LNP1: variants seen among roughly 807,000 people sequenced by gnomAD.
The protein encoded by LNP1 is leukemia NUP98 fusion partner 1.
Under a neutral mutation model 14.5 loss-of-function variants are expected in LNP1, and 12 were observed. The observed-to-expected ratio is 0.83, with a 90% CI of 0.53 to 1.34. LNP1 has a LOEUF of 1.34. LNP1 is among the 40% of genes most tolerant of loss of function. The probability of loss-of-function intolerance (pLI) is 0.00; values close to 1 mark genes in which losing one functional copy is unlikely to be tolerated. For synonymous variants in LNP1, 75 were observed against 71.4 expected (o/e 1.05, Z -0.26); for missense variants, 198 against 210.9 (o/e 0.94, Z 0.38).
chr3:100,408,671 A>G (rs1706995770), intron 1 of LNP1, among the ~76,000 whole-genome samples: 1 of 152,164 alleles, frequency 6.6e-6, no homozygotes, highest in African/African-American at 2.4e-5. Flanking sequence ...ACTGGCCTGA[A>G]GTCATGGGTC....
intron 1 of LNP1, among the ~76,000 whole-genome samples, chr3:100,417,517 A>C (rs892892439): frequency 6.6e-6 from 1 of 151,308 alleles, no homozygotes. Context: ...CTGGGATTAC[A>C]GGCCCACGCC....
intron 2 of LNP1, among the ~76,000 whole-genome samples, chr3:100,448,576 G>GGGCA (rs1559846800): frequency 6.6e-6 from 1 of 152,230 alleles, no homozygotes; most frequent in East Asian, 1.9e-4. Flanking sequence ...AAACAAATAT[G>GGGCA]TATGCTGGCA....
At chr3:100,455,294 G>A (rs563409034) in intron 3 of LNP1, among the ~76,000 whole-genome samples, 10 of 152,246 alleles carry the variant, frequency 6.6e-5, no homozygotes, top group East Asian at 1.9e-4. Context: ...GACACATGTC[G>A]GGGGGTGTTA....
At chr3:100,417,657 A>G (rs183806649) in intron 1 of LNP1, among the ~76,000 whole-genome samples, 59 of 151,800 alleles carry the variant, frequency 3.9e-4, no homozygotes, top group African/African-American at 1.3e-3. Context: ...GGGATTACAG[A>G]CGTGAGACAC....
intron 2 of LNP1, among the ~76,000 whole-genome samples, chr3:100,445,770 T>G (rs1707381729): frequency 6.6e-6 from 1 of 152,136 alleles, no homozygotes; most frequent in East Asian, 1.9e-4. Flanking sequence ...ACAAAATCTA[T>G]GTGCAAAAAT....
At chr3:100,424,281 A>G (rs972067755) in intron 1 of LNP1, among the ~76,000 whole-genome samples, 5 of 152,088 alleles carry the variant, frequency 3.3e-5, no homozygotes, top group African/African-American at 1.2e-4. Flanking sequence ...GAGGTTCACG[A>G]CTTGCTAAAA....
Position 100,429,701 on chromosome 3 carries a change from A to T in LNP1, c.-29A>T, listed in dbSNP as rs1707224948. Reference sequence around the variant, plus strand: ...ATTTCCCTCTGTCGCATTTAGGGACAGGCCTTCAGTATTTGGCATCACCTT... The same window carrying T: ...ATTTCCCTCTGTCGCATTTAGGGACTGGCCTTCAGTATTTGGCATCACCTT... On this transcript the variant is annotated 5_prime_UTR_variant, in exon 2 of 4. Transcript: ENST00000383693. 1.3e-5 allele frequency: 21 copies of T among 1,602,604 alleles called. No individual in the cohort carries two copies. In the East Asian group the frequency reaches 4.7e-4, roughly 36 times the overall value.
At chr3:100,436,400 A>AGAG (rs1030986225) in intron 2 of LNP1, among the ~76,000 whole-genome samples, 1 of 152,158 alleles carries the variant, frequency 6.6e-6, no homozygotes, top group African/African-American at 2.4e-5. Context: ...CCCTTGGTGA[A>AGAG]GAGGGGGTCT....
At chr3:100,443,990 A>G (rs1446228018) in intron 2 of LNP1, among the ~76,000 whole-genome samples, 1 of 152,250 alleles carries the variant, frequency 6.6e-6, no homozygotes, top group Non-Finnish European at 1.5e-5. Flanking sequence ...ACAAAGGCTC[A>G]GCAGTGTTTT....
chr3:100,425,316 T>G (rs1330596607), intron 1 of LNP1, among the ~76,000 whole-genome samples: 1 of 152,238 alleles, frequency 6.6e-6, no homozygotes, highest in South Asian at 2.1e-4. Flanking sequence ...AAGGACTGCC[T>G]GAAGGCAGTT....
intron 2 of LNP1, among the ~76,000 whole-genome samples, chr3:100,437,766 G>A (rs914400781): frequency 2.0e-5 from 3 of 152,266 alleles, no homozygotes; most frequent in Admixed American, 2.0e-4. Flanking sequence ...ATAGAATTCT[G>A]TTTAAATTGG....
chr3:100,414,365 C>T (rs1190749403), intron 1 of LNP1, among the ~76,000 whole-genome samples: 1 of 151,752 alleles, frequency 6.6e-6, no homozygotes, highest in Non-Finnish European at 1.5e-5. Flanking sequence ...TGGACAACAT[C>T]GTGAAACCTC....
At chr3:100,412,707 C>G (rs1707041957) in intron 1 of LNP1, among the ~76,000 whole-genome samples, 3 of 152,166 alleles carry the variant, frequency 2.0e-5, no homozygotes. Context: ...TATGTTTTCT[C>G]TTTTGTATTA....
rs539429678 is a variant in LNP1, at chr3:100,445,929, A to G, written c.157-5790A>G. ...ACCTCTTCAAGGAAAACTACAAACC[A>G]CTGCTCAATGAAATAAAAGAGGACA... On this transcript the variant is annotated intron_variant, in intron 2 of 3. Coordinates refer to ENST00000383693, the MANE Select transcript of LNP1 (RefSeq NM_001085451.2). Among the ~76,000 whole-genome samples, 5 of 152,330 alleles carry G rather than the reference A, an allele frequency of 3.3e-5. No individual in the cohort carries two copies. In the South Asian group the frequency reaches 1.0e-3, roughly 32 times the overall value.
At chr3:100,429,906 C>A (rs776290184) in intron 2 of LNP1, 21 bp downstream of exon 2, 19 of 1,605,344 alleles carry the variant, frequency 1.2e-5, no homozygotes, top group Non-Finnish European at 1.6e-5. Context: ...GTCATGGAAC[C>A]GGAGGGGAGA....
At chr3:100,455,642 A>T in intron 3 of LNP1, 135 bp from the exon 4 acceptor site, 1 of 820,202 alleles carries the variant, frequency 1.2e-6, no homozygotes, top group Non-Finnish European at 2.0e-6. Context: ...GGTTTATGCT[A>T]ATTTATTTCT....
At chr3:100,435,177 C>T (rs1420187310) in intron 2 of LNP1, among the ~76,000 whole-genome samples, 1 of 152,164 alleles carries the variant, frequency 6.6e-6, no homozygotes, top group East Asian at 1.9e-4. Context: ...AATTCAGGTA[C>T]CAGTGAGAAC....
At chr3:100,418,398 A>G (rs1357031021) in intron 1 of LNP1, among the ~76,000 whole-genome samples, 1 of 151,890 alleles carries the variant, frequency 6.6e-6, no homozygotes, top group African/African-American at 2.4e-5. Flanking sequence ...ATTTTGAAAT[A>G]GTGGCTACCA....
intron 1 of LNP1, among the ~76,000 whole-genome samples, chr3:100,410,831 C>G (rs1411415690): frequency 6.6e-6 from 1 of 152,244 alleles, no homozygotes; most frequent in Non-Finnish European, 1.5e-5. Context: ...AAGACTGACT[C>G]CAACAGCAAT....
Sources: gnomAD v4.1 joint callset for allele counts (sites outside exome capture counted in the v4.1 genomes callset) on GRCh38, gnomAD v4.1.1 for gene constraint, MANE v1.5 for transcripts, NCBI Gene and HGNC (gene_info 2026-07-23, HGNC 2026-07-21) for gene names.